The following IQCB1 variants were observed in gnomAD, a reference collection of about 807,000 sequenced individuals.
IQCB1 encodes the protein IQ calmodulin-binding motif-containing protein 1.
In IQCB1, 56 loss-of-function variants were observed where a neutral mutation model predicts 84.4. That is an observed-to-expected ratio of 0.66 (90% CI 0.54 to 0.83). The LOEUF is 0.83. IQCB1 is among the 40% of genes least tolerant of loss of function. IQCB1 has a pLI of 0.00. For missense variants in IQCB1, 629 were observed against 682.1 expected (o/e 0.92, Z 0.87); for synonymous variants, 210 against 234.8 (o/e 0.89, Z 0.96).
At chr3:121,811,293 G>A (rs1949819484) in intron 5 of IQCB1, among the ~76,000 whole-genome samples, 1 of 152,112 alleles carries the variant, frequency 6.6e-6, no homozygotes, top group Admixed American at 6.5e-5. Context: ...GATTCCCTGT[G>A]TGCCTAAACC....
chr3:121,829,574 G>T (rs1950563592), intron 2 of IQCB1, among the ~76,000 whole-genome samples: 1 of 152,134 alleles, frequency 6.6e-6, no homozygotes, highest in South Asian at 2.1e-4. Context: ...GTGCCTATGT[G>T]GCCATCCTCC....
At chr3:121,828,179 C>T (rs1049998241) in intron 4 of IQCB1, among the ~76,000 whole-genome samples, 2 of 152,070 alleles carry the variant, frequency 1.3e-5, no homozygotes, top group African/African-American at 4.8e-5. Context: ...AATTTCTTCA[C>T]TTCTTTAAAA....
chr3:121,825,463 G>T (rs1697013417), intron 5 of IQCB1, among the ~76,000 whole-genome samples: 1 of 151,950 alleles, frequency 6.6e-6, no homozygotes, highest in Non-Finnish European at 1.5e-5. Flanking sequence ...TATAGAGAAT[G>T]TTATCTGACC....
intron 11 of IQCB1, 81 bp downstream of exon 11, chr3:121,789,991 AT>A (rs970570794): frequency 1.2e-5 from 15 of 1,229,896 alleles, no homozygotes; most frequent in East Asian, 4.7e-5. Context: ...TTAAAAAAAA[AT>A]CATCACGTAG....
intron 5 of IQCB1, among the ~76,000 whole-genome samples, chr3:121,818,320 ACTCTT>A (rs1295346408): frequency 6.6e-6 from 1 of 152,048 alleles, no homozygotes; most frequent in Non-Finnish European, 1.5e-5. Context: ...GCCCAGTTCC[ACTCTT>A]CTCATTACTT....
chr3:121,817,895 C>T lies in IQCB1; in HGVS notation c.393+8156G>A, dbSNP rs1950134063. On this transcript the variant is annotated intron_variant, in intron 5 of 14. Coordinates refer to ENST00000310864, the MANE Select transcript of IQCB1 (RefSeq NM_001023570.4). ...CAAGAGAGCTCCCTCTCCCTCTCCA[C>T]ACAAACACAAGCAGGAGGTCATGTG... is the stretch of plus-strand genomic sequence containing the variant. Among the ~76,000 whole-genome samples, 2 of 152,024 alleles carry T rather than the reference C, an allele frequency of 1.3e-5. 1 individual carries two copies. Among genetic ancestry groups the T allele is most frequent in the Admixed American group, 1.3e-4 (2 of 15,246 alleles).
intron 7 of IQCB1, among the ~76,000 whole-genome samples, chr3:121,801,790 T>A (rs912383032): frequency 6.7e-6 from 1 of 149,388 alleles, no homozygotes; most frequent in Non-Finnish European, 1.5e-5. Context: ...TTCCCTTGTA[T>A]TACTACTTTG....
At chr3:121,787,357 T>C (rs922101612) in intron 12 of IQCB1, among the ~76,000 whole-genome samples, 1 of 152,178 alleles carries the variant, frequency 6.6e-6, no homozygotes, top group Non-Finnish European at 1.5e-5. Context: ...AACGGGATGT[T>C]AGGAAAACTG....
chr3:121,783,925 A>G (rs1000793380), intron 12 of IQCB1, among the ~76,000 whole-genome samples: 31 of 152,164 alleles, frequency 2.0e-4, no homozygotes, highest in African/African-American at 7.0e-4. Flanking sequence ...ATATGTGACA[A>G]TCTTACTTCA....
intron 10 of IQCB1, among the ~76,000 whole-genome samples, chr3:121,792,291 A>C (rs553165990): frequency 1.3e-5 from 2 of 152,300 alleles, no homozygotes; most frequent in Non-Finnish European, 2.9e-5. Flanking sequence ...CATGTAGGCT[A>C]TCAAATATGG....
rs564658175 is a variant in IQCB1, at chr3:121,815,431, A to G, written c.394-6422T>C. ...GCCAGGGCAATCAGGCAGGAGAAAG[A>G]AAGTGTATTCGAATAGGAAGAGAGA... On this transcript the variant is annotated intron_variant, in intron 5 of 14. Transcript: ENST00000310864. 4.6e-5 allele frequency among the ~76,000 whole-genome samples: 7 copies of G among 152,318 alleles called. No homozygotes were observed. In the East Asian group the frequency reaches 1.3e-3, roughly 29 times the overall value.
intron 12 of IQCB1, 79 bp from the exon 13 acceptor site, chr3:121,781,953 G>A (rs1002092443): frequency 1.5e-6 from 2 of 1,373,172 alleles, no homozygotes; most frequent in African/African-American, 2.9e-5. Flanking sequence ...ACATATGGTA[G>A]TGATCACATT....
At chr3:121,779,863 G>A (rs1435486043) in intron 13 of IQCB1, among the ~76,000 whole-genome samples, 2 of 152,048 alleles carry the variant, frequency 1.3e-5, no homozygotes, top group Non-Finnish European at 2.9e-5. Flanking sequence ...TACTATTAAG[G>A]GAAGGTCTTC....
At chr3:121,775,961 T>C (rs961646575) in intron 13 of IQCB1, among the ~76,000 whole-genome samples, 1 of 152,220 alleles carries the variant, frequency 6.6e-6, no homozygotes, top group Non-Finnish European at 1.5e-5. Flanking sequence ...ATTTTTAGAA[T>C]TTACATAAAG....
chr3:121,804,825 T>G (rs1949545750), intron 7 of IQCB1, among the ~76,000 whole-genome samples: 1 of 152,154 alleles, frequency 6.6e-6, no homozygotes, highest in African/African-American at 2.4e-5. Flanking sequence ...ACTGCCTGCT[T>G]TACGTACTCT....
At chr3:121,794,241 T>C (rs6789860) in intron 10 of IQCB1, among the ~76,000 whole-genome samples, 97,890 of 151,930 alleles carry the variant, frequency 0.64, 32,005 homozygotes, top group African/African-American at 0.72. Context: ...ATCTATTTGT[T>C]TACCTAGATT....
chr3:121,807,304 A>G, intron 7 of IQCB1, 40 bp downstream of exon 7: 2 of 994,156 alleles, frequency 2.0e-6, no homozygotes, highest in Non-Finnish European at 3.2e-6. Flanking sequence ...AATGCTTCTG[A>G]TAAAAAAAAA....
At chr3:121,829,748 C>T (rs1950570236) in intron 2 of IQCB1, among the ~76,000 whole-genome samples, 1 of 152,132 alleles carries the variant, frequency 6.6e-6, no homozygotes, top group Non-Finnish European at 1.5e-5. Flanking sequence ...ATGCTTTTTC[C>T]CTTTGCTGAT....
At chr3:121,800,350 TAA>T (rs1265184381) in intron 7 of IQCB1, among the ~76,000 whole-genome samples, 1 of 151,990 alleles carries the variant, frequency 6.6e-6, no homozygotes, top group African/African-American at 2.4e-5. Flanking sequence ...TATATTTGTA[TAA>T]GACTCATGTT....
Sources: allele counts gnomAD v4.1 joint callset (sites outside exome capture counted in the v4.1 genomes callset), GRCh38; gene constraint gnomAD v4.1.1; transcripts MANE v1.5; gene names NCBI Gene and HGNC (gene_info 2026-07-23, HGNC 2026-07-21).